The following SLC24A3 variants were observed in gnomAD, a reference collection of about 807,000 sequenced individuals.
SLC24A3 encodes the protein solute carrier family 24 member 3.
SLC24A3 carries 28 observed loss-of-function variants against 75.8 expected under a neutral mutation model. The ratio of observed to expected loss-of-function variants is 0.37; its 90% CI spans 0.27 to 0.51. The LOEUF (loss-of-function observed/expected upper bound fraction) is 0.51, where lower values mean the gene tolerates loss of function less well. Ranked by LOEUF, SLC24A3 falls within the 20% of genes least tolerant of loss-of-function variation. The pLI, the probability that SLC24A3 is intolerant of heterozygous loss-of-function variation, is 0.94. For missense variants in SLC24A3, 663 were observed against 847.8 expected (o/e 0.78, Z 2.71); for synonymous variants, 372 against 334.1 (o/e 1.11, Z -1.24).
At chr20:19,431,713 A>C (rs879321102) in intron 2 of SLC24A3, among the ~76,000 whole-genome samples, 1 of 123,156 alleles carries the variant, frequency 8.1e-6, no homozygotes, top group Non-Finnish European at 1.6e-5. Flanking sequence ...CAAGAAATAG[A>C]TTCACTTCAA....
intron 2 of SLC24A3, among the ~76,000 whole-genome samples, chr20:19,352,625 T>C (rs1343586119): frequency 6.6e-6 from 1 of 152,200 alleles, no homozygotes; most frequent in African/African-American, 2.4e-5. Flanking sequence ...GAATTTGAAC[T>C]CAGATCCCTC....
chr20:19,291,159 C>A (rs942872494), intron 2 of SLC24A3, among the ~76,000 whole-genome samples: 1 of 152,214 alleles, frequency 6.6e-6, no homozygotes, highest in Admixed American at 6.5e-5. Flanking sequence ...GGGCTGAGGG[C>A]AGGGCCTTGG....
chr20:19,291,384 G>A (rs1983938071), intron 2 of SLC24A3, among the ~76,000 whole-genome samples: 1 of 152,212 alleles, frequency 6.6e-6, no homozygotes, highest in East Asian at 1.9e-4. Context: ...ACCAGTGAGT[G>A]CGCTTTGGTT....
intron 6 of SLC24A3, among the ~76,000 whole-genome samples, chr20:19,588,942 C>T (rs2031336526): frequency 6.6e-6 from 1 of 152,224 alleles, no homozygotes; most frequent in African/African-American, 2.4e-5. Flanking sequence ...CCAACATCAG[C>T]CCTACTGGCA....
intron 2 of SLC24A3, among the ~76,000 whole-genome samples, chr20:19,422,851 A>G (rs536418321): frequency 2.0e-5 from 3 of 152,336 alleles, no homozygotes; most frequent in South Asian, 2.1e-4. Flanking sequence ...ACGAGCCCCC[A>G]TAGAAGGATG....
chr20:19,555,504 C>T (rs1374583298), intron 3 of SLC24A3, among the ~76,000 whole-genome samples: 1 of 152,188 alleles, frequency 6.6e-6, no homozygotes, highest in African/African-American at 2.4e-5. Flanking sequence ...GAATGGTAGA[C>T]AATCCCTGGA....
chr20:19,513,736 T>TAAAAAA (rs74180954), intron 2 of SLC24A3, among the ~76,000 whole-genome samples: 159 of 123,268 alleles, frequency 1.3e-3, no homozygotes, highest in East Asian at 5.8e-3. Flanking sequence ...GCTTTTTTTT[T>TAAAAAA]AGAAAAAAAA....
intron 2 of SLC24A3, among the ~76,000 whole-genome samples, chr20:19,324,951 G>A (rs1486559766): frequency 6.7e-6 from 1 of 150,062 alleles, no homozygotes; most frequent in Non-Finnish European, 1.5e-5. Flanking sequence ...CCTGGCAGTT[G>A]ACATTCAAGA....
At chr20:19,243,990 G>C (rs529387690) in intron 1 of SLC24A3, 15 of 152,304 alleles carry the variant, frequency 9.8e-5, no homozygotes, top group African/African-American at 3.6e-4. Context: ...CAGAGTGGCT[G>C]AAATGTAGAT....
intron 2 of SLC24A3, among the ~76,000 whole-genome samples, chr20:19,286,559 G>A (rs1206847021): frequency 6.6e-6 from 1 of 152,042 alleles, no homozygotes; most frequent in Non-Finnish European, 1.5e-5. Flanking sequence ...GAACCAGAGG[G>A]GATAAACAAC....
chr20:19,666,457 G>A (rs1568690605), intron 8 of SLC24A3, among the ~76,000 whole-genome samples: 1 of 151,968 alleles, frequency 6.6e-6, no homozygotes, highest in Non-Finnish European at 1.5e-5. Flanking sequence ...AGTGAGCCAA[G>A]ATCACACCAC....
chr20:19,346,563 C>T (rs1331077236), intron 2 of SLC24A3, among the ~76,000 whole-genome samples: 2 of 151,738 alleles, frequency 1.3e-5, no homozygotes, highest in Non-Finnish European at 2.9e-5. Flanking sequence ...GAATTAGAGA[C>T]TATTATTCAA....
chr20:19,665,751 C>A (rs2032391193), intron 7 of SLC24A3, 113 bp from the exon 8 acceptor site: 1 of 1,353,300 alleles, frequency 7.4e-7, no homozygotes, highest in Non-Finnish European at 9.9e-7. Context: ...CCTGATTACA[C>A]CATCCCAGGA....
intron 2 of SLC24A3, among the ~76,000 whole-genome samples, chr20:19,390,762 G>T (rs1986352168): frequency 6.6e-6 from 1 of 152,006 alleles, no homozygotes; most frequent in African/African-American, 2.4e-5. Flanking sequence ...TGGCAGGGAG[G>T]CTGCATCTAC....
At chr20:19,371,586 A>T (rs1393451648) in intron 2 of SLC24A3, among the ~76,000 whole-genome samples, 1 of 152,186 alleles carries the variant, frequency 6.6e-6, no homozygotes, top group South Asian at 2.1e-4. Flanking sequence ...ACCATTGGTA[A>T]TAAACCCCAC....
intron 2 of SLC24A3, among the ~76,000 whole-genome samples, chr20:19,312,021 A>G (rs566829329): frequency 6.6e-6 from 1 of 152,300 alleles, no homozygotes; most frequent in East Asian, 1.9e-4. Context: ...TTTCAAACAC[A>G]GGAAATGAGC....
At chr20:19,699,845 C>G (rs1188797320) in intron 15 of SLC24A3, among the ~76,000 whole-genome samples, 2 of 152,184 alleles carry the variant, frequency 1.3e-5, no homozygotes, top group African/African-American at 4.8e-5. Context: ...GAGGGCTGGT[C>G]AAGTAGGCAC....
At chr20:19,255,605 G>A (rs1982790819) in intron 1 of SLC24A3, among the ~76,000 whole-genome samples, 1 of 152,232 alleles carries the variant, frequency 6.6e-6, no homozygotes, top group African/African-American at 2.4e-5. Context: ...CTTGGGGCAA[G>A]TCATTGTCCT....
chr20:19,377,176 TTA>T (rs1311507170), intron 2 of SLC24A3, among the ~76,000 whole-genome samples: 2 of 152,190 alleles, frequency 1.3e-5, no homozygotes, highest in African/African-American at 4.8e-5. Context: ...GTGTGGGGGA[TTA>T]ACTTTGATCC....
Sources: gnomAD v4.1 joint callset for allele counts (sites outside exome capture counted in the v4.1 genomes callset) on GRCh38, gnomAD v4.1.1 for gene constraint, MANE v1.5 for transcripts, NCBI Gene and HGNC (gene_info 2026-07-23, HGNC 2026-07-21) for gene names.